The following AFG2A variants were observed in gnomAD, a reference collection of about 807,000 sequenced individuals.
The protein encoded by AFG2A is AAA ATPase AFG2A, also known as ATPase family gene 2 protein homolog A.
chr4:123,218,427 TAA>T, the AFG2A span, among the ~76,000 whole-genome samples: 2 of 152,162 alleles, frequency 1.3e-5, no homozygotes, highest in African/African-American at 4.8e-5. Flanking sequence ...TAAATCTCTC[TAA>T]GAGGTTTAGT....
At chr4:123,094,507 A>G in the AFG2A span, among the ~76,000 whole-genome samples, 2 of 152,142 alleles carry the variant, frequency 1.3e-5, no homozygotes, top group African/African-American at 4.8e-5. Flanking sequence ...AAATAAGATT[A>G]TATATCAAGA....
the AFG2A span, among the ~76,000 whole-genome samples, chr4:123,197,438 C>T: frequency 1.1e-4 from 17 of 152,292 alleles, no homozygotes; most frequent in South Asian, 1.0e-3. Context: ...GGCTCACTGA[C>T]CATGCTCTCT....
At chr4:123,304,880 C>T in the AFG2A span, among the ~76,000 whole-genome samples, 1 of 152,098 alleles carries the variant, frequency 6.6e-6, no homozygotes, top group African/African-American at 2.4e-5. Flanking sequence ...CCAGCTTGGT[C>T]GCGTCTGATA....
the AFG2A span, among the ~76,000 whole-genome samples, chr4:123,152,302 A>G: frequency 7.2e-5 from 11 of 152,154 alleles, no homozygotes; most frequent in Non-Finnish European, 1.5e-4. Context: ...AAAGTATAAT[A>G]ATAAGAAAAG....
the AFG2A span, among the ~76,000 whole-genome samples, chr4:123,185,716 C>T: frequency 6.6e-6 from 1 of 152,076 alleles, no homozygotes; most frequent in South Asian, 2.1e-4. Context: ...TTCTCACGCT[C>T]TGATTTTCTA....
chr4:123,060,436 G>C, the AFG2A span, among the ~76,000 whole-genome samples: 8 of 152,196 alleles, frequency 5.3e-5, no homozygotes, highest in Non-Finnish European at 4.4e-5. Flanking sequence ...AAATCTAGGC[G>C]GAAGTTCCCA....
chr4:122,988,276 A>G, the AFG2A span, among the ~76,000 whole-genome samples: 1 of 151,042 alleles, frequency 6.6e-6, no homozygotes, highest in South Asian at 2.1e-4. Flanking sequence ...GTTTTAATCT[A>G]TTTGGAGTTC....
chr4:123,195,388 G>A, the AFG2A span, among the ~76,000 whole-genome samples: 1 of 151,872 alleles, frequency 6.6e-6, no homozygotes, highest in Non-Finnish European at 1.5e-5. Flanking sequence ...CAAATTTTGG[G>A]TTTTTTTCTA....
the AFG2A span, chr4:122,938,087 A>G: frequency 6.5e-7 from 1 of 1,534,340 alleles, no homozygotes; most frequent in Non-Finnish European, 8.8e-7. Context: ...TTAAAATCAA[A>G]TATAGATGAG....
At chr4:122,974,121 T>C in the AFG2A span, among the ~76,000 whole-genome samples, 2 of 152,050 alleles carry the variant, frequency 1.3e-5, no homozygotes, top group Middle Eastern at 3.4e-3. Context: ...TTAGAAATAA[T>C]AGAGATTTTG....
At chr4:123,138,321 A>G in the AFG2A span, among the ~76,000 whole-genome samples, 47 of 152,280 alleles carry the variant, frequency 3.1e-4, no homozygotes, top group South Asian at 8.9e-3. Flanking sequence ...TTTGACCACA[A>G]TGCTACTGCC....
chr4:123,167,417 G>A, the AFG2A span, among the ~76,000 whole-genome samples: 9 of 151,766 alleles, frequency 5.9e-5, no homozygotes, highest in Admixed American at 2.6e-4. Context: ...GCACGATTTC[G>A]GCTCTCTGCA....
the AFG2A span, among the ~76,000 whole-genome samples, chr4:123,294,453 T>G: frequency 1.3e-5 from 2 of 152,150 alleles, no homozygotes; most frequent in Non-Finnish European, 2.9e-5. Context: ...TCTTTACCCA[T>G]TAGTTAACCC....
the AFG2A span, among the ~76,000 whole-genome samples, chr4:123,071,569 T>G: frequency 6.6e-6 from 1 of 152,184 alleles, no homozygotes; most frequent in Non-Finnish European, 1.5e-5. Context: ...TTGTCTGTGT[T>G]AGTGTGGAAT....
the AFG2A span, among the ~76,000 whole-genome samples, chr4:122,954,988 G>A: frequency 1.4e-4 from 21 of 152,046 alleles, no homozygotes; most frequent in Non-Finnish European, 7.4e-5. Flanking sequence ...CTGATCTTAC[G>A]GTCTCGGTGC....
At chr4:123,022,137 C>G in the AFG2A span, among the ~76,000 whole-genome samples, 1 of 152,036 alleles carries the variant, frequency 6.6e-6, no homozygotes, top group Admixed American at 6.6e-5. Flanking sequence ...GTAAGGACTT[C>G]ATGTCTAAAA....
the AFG2A span, among the ~76,000 whole-genome samples, chr4:123,244,408 G>A: frequency 2.0e-5 from 3 of 152,186 alleles, no homozygotes; most frequent in African/African-American, 7.2e-5. Flanking sequence ...AGAGGATGTG[G>A]AAACATTGAT....
the AFG2A span, among the ~76,000 whole-genome samples, chr4:122,951,075 C>T: frequency 5.9e-5 from 9 of 152,236 alleles, no homozygotes; most frequent in Admixed American, 2.0e-4. Flanking sequence ...TGTTGATTTC[C>T]AGGTTGGTGT....
At chr4:123,206,555 G>T in the AFG2A span, among the ~76,000 whole-genome samples, 1 of 152,244 alleles carries the variant, frequency 6.6e-6, no homozygotes, top group East Asian at 1.9e-4. Flanking sequence ...TTTCTGAGTT[G>T]AAATTCAGTT....
Sources: allele counts gnomAD v4.1 joint callset (sites outside exome capture counted in the v4.1 genomes callset), GRCh38; gene constraint gnomAD v4.1.1; transcripts MANE v1.5; gene names NCBI Gene and HGNC (gene_info 2026-07-23, HGNC 2026-07-21).